The following HTR1E variants were observed in gnomAD, a reference collection of about 807,000 sequenced individuals.
HTR1E encodes 5-HT-1E.
HTR1E carries 3 observed loss-of-function variants against 3.4 expected under a neutral mutation model. That is an observed-to-expected ratio of 0.89 (90% confidence interval 0.41 to 2.31). HTR1E has a LOEUF of 2.31. HTR1E is among the 30% of genes most tolerant of loss of function. The probability of loss-of-function intolerance (pLI) is 0.05; values close to 1 mark genes in which losing one functional copy is unlikely to be tolerated. For missense variants in HTR1E, 392 were observed against 467.0 expected, an observed-to-expected ratio of 0.84 and a Z score of 1.48; for synonymous variants, 170 against 182.8, an observed-to-expected ratio of 0.93 and a Z score of 0.56.
intron 1 of HTR1E, among the ~76,000 whole-genome samples, chr6:86,945,833 G>C (rs1582254776): frequency 6.6e-6 from 1 of 151,800 alleles, no homozygotes; most frequent in Non-Finnish European, 1.5e-5. Flanking sequence ...CGCCTCCCCA[G>C]TTTCAAGCAA....
rs116022766 is a variant in HTR1E at position 86,971,820 on chromosome 6, T to C, written c.-186+33997T>C. 6.9e-3 allele frequency among the ~76,000 whole-genome samples: 1,058 copies of C among 152,300 alleles called. 13 individuals carry two copies. The highest frequency in any genetic ancestry group is 0.025 in the African/African-American group (1,025 of 41,574). ...TCGCCCAAGTAGCGAACACAGGTAG[T>C]CTTTTGGAATCCCCAGTGTCTATTA... On this transcript the variant is annotated intron_variant, in intron 1 of 1. Transcript: ENST00000305344.
chr6:86,972,593 CA>C (rs1487673172), intron 1 of HTR1E, among the ~76,000 whole-genome samples: 2 of 152,064 alleles, frequency 1.3e-5, no homozygotes, highest in African/African-American at 4.8e-5. Context: ...CTATTTATTA[CA>C]GGTGGAAAAA....
intron 1 of HTR1E, among the ~76,000 whole-genome samples, chr6:86,986,633 A>C (rs1399086109): frequency 6.6e-6 from 1 of 152,220 alleles, no homozygotes; most frequent in Non-Finnish European, 1.5e-5. Context: ...GTTGAAGTTT[A>C]TATGAGGTGA....
chr6:86,943,613 A>G (rs575871213), intron 1 of HTR1E, among the ~76,000 whole-genome samples: 2 of 152,284 alleles, frequency 1.3e-5, no homozygotes, highest in South Asian at 4.1e-4. Flanking sequence ...GTGTTATACT[A>G]CTAGGGGGTA....
chr6:86,959,853 A>T (rs1365057693), intron 1 of HTR1E, among the ~76,000 whole-genome samples: 1 of 152,166 alleles, frequency 6.6e-6, no homozygotes, highest in East Asian at 1.9e-4. Flanking sequence ...AGCCAAGCGC[A>T]TATAGATAAA....
chr6:87,013,882 A>G lies in HTR1E; in HGVS notation c.-185-1268A>G, dbSNP rs543544141. On this transcript the variant is annotated intron_variant, in intron 1 of 1. Coordinates refer to ENST00000305344, the MANE Select transcript of HTR1E (RefSeq NM_000865.3). ...GAAAACATTTATGCAACCAACAAACATATGAAAAAAAGCTCATCATCACTG... is the reference window on the plus strand; with the variant it reads ...GAAAACATTTATGCAACCAACAAACGTATGAAAAAAAGCTCATCATCACTG... 4.6e-5 allele frequency among the ~76,000 whole-genome samples: 7 copies of G among 152,302 alleles called. No individual in the cohort carries two copies. In the South Asian group the frequency reaches 1.2e-3, roughly 27 times the overall value.
At chr6:86,998,477 T>C (rs1767975029) in intron 1 of HTR1E, among the ~76,000 whole-genome samples, 1 of 152,114 alleles carries the variant, frequency 6.6e-6, no homozygotes, top group African/African-American at 2.4e-5. Context: ...CTCCTAAATA[T>C]TGTGTAAGTC....
chr6:86,999,677 AC>A (rs1767991384), intron 1 of HTR1E, among the ~76,000 whole-genome samples: 1 of 152,238 alleles, frequency 6.6e-6, no homozygotes, highest in South Asian at 2.1e-4. Context: ...AAGATTTGGA[AC>A]CTAAAATGAG....
chr6:87,002,571 A>T (rs969568995), intron 1 of HTR1E, among the ~76,000 whole-genome samples: 1 of 152,174 alleles, frequency 6.6e-6, no homozygotes, highest in African/African-American at 2.4e-5. Flanking sequence ...CTAGACACAT[A>T]GTGCTGACTG....
rs565615421 is a variant in HTR1E at position 86,985,538 on chromosome 6, A to G, written c.-185-29612A>G. Among the ~76,000 whole-genome samples the G allele has an allele frequency of 5.0e-4, 76 of 152,170 alleles. No homozygotes were observed. In the South Asian group the frequency reaches 0.015, roughly 29 times the overall value. ...ATGGGATGGAATTTGAGTGCCTTAGAAAAAAAAGCAAGGCTCAGATAAGCA... is the reference window on the plus strand; with the variant it reads ...ATGGGATGGAATTTGAGTGCCTTAGGAAAAAAAGCAAGGCTCAGATAAGCA... On this transcript the variant is annotated intron_variant, in intron 1 of 1. Transcript: ENST00000305344.
At position 86,976,127 on chromosome 6, in the gene HTR1E, A is replaced by G. The variant is rs952609717; in HGVS notation, c.-186+38304A>G. ...AAGACTGATGACAGAAACAAAGGAA[A>G]TACAAGGAAGAGGTTATGGAAAACA... On this transcript the variant is annotated intron_variant, in intron 1 of 1. Coordinates refer to ENST00000305344, the MANE Select transcript of HTR1E (RefSeq NM_000865.3). Among the ~76,000 whole-genome samples, 5 of 152,332 alleles carry G rather than the reference A, an allele frequency of 3.3e-5. No homozygotes were observed. The South Asian group carries it at 8.3e-4, about 25-fold the overall frequency.
intron 1 of HTR1E, among the ~76,000 whole-genome samples, chr6:86,978,494 T>C (rs1175649703): frequency 6.6e-6 from 1 of 152,152 alleles, no homozygotes; most frequent in Non-Finnish European, 1.5e-5. Context: ...AGCAGAAATA[T>C]GGAAAGCATT....
chr6:87,015,684 C>T lies in HTR1E; in HGVS notation c.350C>T (p.Ala117Val). Residue 117 changes from alanine to valine, a missense_variant, in exon 2 of 2, where the codon GCC becomes GTC. Ala to Val is a moderately conservative substitution (Grantham distance 64, BLOSUM62 0). Transcript: ENST00000305344. Reference protein sequence around the residue: ...TCSILHLCVIALDRYWAITNA... With the variant: ...TCSILHLCVIVLDRYWAITNA... ...TCCATCCTCCACCTCTGTGTCATTG[C>T]CCTGGACAGGTACTGGGCCATCACC... 1.2e-6 allele frequency: 2 copies of T among 1,614,034 alleles called. No individual in the cohort carries two copies. Among genetic ancestry groups the T allele is most frequent in the Non-Finnish European group, 1.7e-6 (2 of 1,179,970 alleles).
chr6:87,007,348 G>C (rs1253137047), intron 1 of HTR1E, among the ~76,000 whole-genome samples: 1 of 152,162 alleles, frequency 6.6e-6, no homozygotes, highest in Non-Finnish European at 1.5e-5. Flanking sequence ...AGGGGGTGGA[G>C]AGAATGGGGA....
chr6:86,994,304 G>C (rs1041621270), intron 1 of HTR1E, among the ~76,000 whole-genome samples: 6 of 151,766 alleles, frequency 4.0e-5, no homozygotes, highest in African/African-American at 1.5e-4. Context: ...AATATAATAA[G>C]TCAAAAAAAT....
Position 87,016,061 on chromosome 6 carries a change from T to A in HTR1E, c.727T>A (p.Cys243Ser). The A allele has an allele frequency of 6.2e-7, 1 of 1,614,180 alleles. No individual in the cohort carries two copies. The highest frequency in any genetic ancestry group is 8.5e-7 in the Non-Finnish European group (1 of 1,180,024). ...AAGTTGTAAACTTACACAGACTTTC[T>A]GTGTGTCTGACTTCTCCACCTCAGA... ...FASCKLTQTF[C>S]VSDFSTSDPT... The change falls in exon 2 of 2, where the codon TGT (cysteine) becomes AGT (serine). Residue 243 changes from cysteine to serine, a missense_variant. Physicochemically the swap from Cys to Ser is moderately radical, Grantham distance 112 (BLOSUM62 -1). Around this residue, in one of 3 missense-constraint regions of HTR1E, gnomAD observed 178 missense variants for 164.9 expected, o/e 1.08. Transcript: ENST00000305344.
intron 1 of HTR1E, among the ~76,000 whole-genome samples, chr6:86,962,096 A>G (rs78382687): frequency 0.038 from 5,755 of 152,318 alleles, 229 homozygotes; most frequent in East Asian, 0.15. Context: ...ATTGAGGAAC[A>G]TGGTAAAAAA....
intron 1 of HTR1E, among the ~76,000 whole-genome samples, chr6:86,988,258 T>C (rs537516980): frequency 1.3e-5 from 2 of 152,262 alleles, no homozygotes; most frequent in East Asian, 3.9e-4. Context: ...AGTGGTTCTA[T>C]GCAGCCCACT....
At chr6:86,941,007 A>C (rs1768537555) in intron 1 of HTR1E, among the ~76,000 whole-genome samples, 1 of 152,238 alleles carries the variant, frequency 6.6e-6, no homozygotes, top group South Asian at 2.1e-4. Context: ...GTGTGCCGTC[A>C]CAAGTGACGA....
Sources: allele counts gnomAD v4.1 joint callset (sites outside exome capture counted in the v4.1 genomes callset), GRCh38; gene constraint gnomAD v4.1.1; regional missense constraint gnomAD v4.1.1; transcripts MANE v1.5; gene names NCBI Gene and HGNC (gene_info 2026-07-23, HGNC 2026-07-21).